The following ANKRD44 variants were observed in gnomAD, a reference collection of about 807,000 sequenced individuals.
ANKRD44 encodes serine/threonine-protein phosphatase 6 regulatory ankyrin repeat subunit B.
ANKRD44 carries 35 observed loss-of-function variants against 116.0 expected under a neutral mutation model. That is an observed-to-expected ratio of 0.30 (90% confidence interval 0.23 to 0.40). The LOEUF (loss-of-function observed/expected upper bound fraction) is 0.40, where lower values mean the gene tolerates loss of function less well. Among genes scored for constraint, ANKRD44 ranks in the 10% least tolerant of loss-of-function variants. The pLI, the probability that ANKRD44 is intolerant of heterozygous loss-of-function variation, is 1.00. For synonymous variants in ANKRD44, 435 were observed against 461.8 expected, an observed-to-expected ratio of 0.94 and a Z score of 0.74; for missense variants, 1,014 against 1,242.6, an observed-to-expected ratio of 0.82 and a Z score of 2.77.
chr2:197,146,744 C>A (rs371630470), intron 3 of ANKRD44, among the ~76,000 whole-genome samples: 61 of 151,064 alleles, frequency 4.0e-4, no homozygotes, highest in Admixed American at 2.5e-3. Context: ...ATAAAAAAAT[C>A]AAAATATATC....
intron 1 of ANKRD44, among the ~76,000 whole-genome samples, chr2:197,200,847 C>G (rs565883693): frequency 1.9e-4 from 29 of 152,200 alleles, no homozygotes; most frequent in Non-Finnish European, 3.5e-4. Context: ...ACAGTCACTA[C>G]AGTGTTGGTC....
At chr2:197,162,515 A>G (rs537674202) in intron 2 of ANKRD44, among the ~76,000 whole-genome samples, 1 of 152,348 alleles carries the variant, frequency 6.6e-6, no homozygotes, top group South Asian at 2.1e-4. Context: ...GCTTTGAAAT[A>G]CGGCACAAAA....
intron 18 of ANKRD44, among the ~76,000 whole-genome samples, chr2:197,012,464 G>T (rs2076317491): frequency 1.3e-5 from 2 of 150,696 alleles, no homozygotes; most frequent in South Asian, 4.2e-4. Context: ...GAATGGCTGG[G>T]GAGAAAAAAG....
At chr2:197,092,961 C>T (rs2078076226) in intron 10 of ANKRD44, among the ~76,000 whole-genome samples, 1 of 151,872 alleles carries the variant, frequency 6.6e-6, no homozygotes, top group African/African-American at 2.4e-5. Context: ...TAAGGCAAAA[C>T]TATGTGATTA....
At chr2:197,040,052 C>T (rs551444741) in intron 16 of ANKRD44, among the ~76,000 whole-genome samples, 18 of 151,806 alleles carry the variant, frequency 1.2e-4, no homozygotes, top group Non-Finnish European at 2.4e-4. Flanking sequence ...TATGGTGAAA[C>T]CCCATCTCTA....
chr2:197,076,608 T>A (rs2077671841), intron 16 of ANKRD44, among the ~76,000 whole-genome samples: 1 of 152,098 alleles, frequency 6.6e-6, no homozygotes, highest in African/African-American at 2.4e-5. Context: ...ACCCAGGTAC[T>A]AAGCCTTTTA....
intron 2 of ANKRD44, among the ~76,000 whole-genome samples, chr2:197,162,594 G>C (rs958160242): frequency 2.6e-5 from 4 of 152,112 alleles, no homozygotes; most frequent in African/African-American, 9.7e-5. Flanking sequence ...CACAAAACAG[G>C]GAGCCTCTAA....
intron 16 of ANKRD44, among the ~76,000 whole-genome samples, chr2:197,070,055 T>C (rs999180821): frequency 8.5e-5 from 13 of 152,200 alleles, no homozygotes; most frequent in Non-Finnish European, 1.9e-4. Context: ...TCATTCCTAG[T>C]ACACAGAAAT....
chr2:197,040,341 G>A (rs972721016), intron 16 of ANKRD44, among the ~76,000 whole-genome samples: 7 of 148,406 alleles, frequency 4.7e-5, no homozygotes, highest in African/African-American at 7.4e-5. Context: ...AAAATTACAC[G>A]TTAACTTTCA....
intron 1 of ANKRD44, among the ~76,000 whole-genome samples, chr2:197,297,925 T>G (rs978892278): frequency 3.9e-5 from 6 of 152,224 alleles, no homozygotes; most frequent in Non-Finnish European, 8.8e-5. Context: ...CTTAGTCACA[T>G]GGCTTCTAAA....
chr2:197,082,734 T>C (rs940336204), intron 14 of ANKRD44, among the ~76,000 whole-genome samples: 2 of 152,200 alleles, frequency 1.3e-5, no homozygotes, highest in Admixed American at 6.5e-5. Context: ...TCAAAAAGTA[T>C]TCCTATGAAG....
At chr2:197,246,898 C>G (rs1052432599) in intron 1 of ANKRD44, among the ~76,000 whole-genome samples, 4 of 152,130 alleles carry the variant, frequency 2.6e-5, no homozygotes, top group African/African-American at 9.7e-5. Context: ...GAATTGGAAC[C>G]CAGGTGACCC....
chr2:197,278,370 T>C (rs1449354731), intron 1 of ANKRD44, among the ~76,000 whole-genome samples: 1 of 152,072 alleles, frequency 6.6e-6, no homozygotes, highest in Admixed American at 6.5e-5. Context: ...TTTGTTTGTT[T>C]TGTTTTGACA....
At chr2:197,288,019 C>CAAAAA (rs10666895) in intron 1 of ANKRD44, among the ~76,000 whole-genome samples, 8 of 81,756 alleles carry the variant, frequency 9.8e-5, no homozygotes, top group Middle Eastern at 6.4e-3. Flanking sequence ...GACTCAGTCT[C>CAAAAA]AAAAAAAAAA....
At chr2:196,997,744 C>T (rs886278543) in intron 25 of ANKRD44, among the ~76,000 whole-genome samples, 4 of 151,488 alleles carry the variant, frequency 2.6e-5, no homozygotes, top group South Asian at 2.1e-4. Flanking sequence ...CCACTGCTCC[C>T]GGCCTAAAAT....
Position 197,078,805 on chromosome 2 carries a change from C to G in ANKRD44, c.1548G>C (p.Glu516Asp). The G allele has an allele frequency of 6.2e-7, 1 of 1,612,792 alleles. No homozygotes were observed. The highest frequency in any genetic ancestry group is 8.5e-7 in the Non-Finnish European group (1 of 1,179,152). Residue 516 changes from glutamate to aspartate, a missense_variant, in exon 16 of 28, where the codon GAG (glutamate) becomes GAC (aspartate). By Grantham distance (45) the Glu-to-Asp change is conservative (BLOSUM62 2). Coordinates refer to ENST00000282272, the MANE Select transcript of ANKRD44 (RefSeq NM_001195144.2). ...LKEKEATLCLEFLLQNDANPS... is the reference protein window; with the variant it reads ...LKEKEATLCLDFLLQNDANPS... ...GATTTGCATCATTTTGAAGCAGAAA[C>G]TCTAGACATCTGTAAGTATAAAGAT...
intron 16 of ANKRD44, among the ~76,000 whole-genome samples, chr2:197,049,133 C>T (rs902997263): frequency 6.6e-6 from 1 of 152,076 alleles, no homozygotes; most frequent in Non-Finnish European, 1.5e-5. Flanking sequence ...TGTAGGTTGC[C>T]TGTTCACTCT....
chr2:197,300,758 C>CTTTTT (rs112803787), intron 1 of ANKRD44, among the ~76,000 whole-genome samples: 8 of 122,732 alleles, frequency 6.5e-5, no homozygotes, highest in Non-Finnish European at 1.0e-4. Context: ...TTTCATTTTC[C>CTTTTT]TTTTTTTTTT....
rs200144192 is a variant in ANKRD44 at position 197,157,511 on chromosome 2, C to A, written c.112-10406G>T. ...CCAACATGGTGAAACTCCCTCTCTA[C>A]TAAAAATACAAAAAAAACTAGCCTG... On this transcript the variant is annotated intron_variant, in intron 2 of 27. Transcript: ENST00000282272. 2.6e-5 allele frequency among the ~76,000 whole-genome samples: 4 copies of A among 151,754 alleles called. No homozygotes were observed. The East Asian group carries it at 7.7e-4, about 29-fold the overall frequency.
Sources: gnomAD v4.1 joint callset for allele counts (sites outside exome capture counted in the v4.1 genomes callset) on GRCh38, gnomAD v4.1.1 for gene constraint, MANE v1.5 for transcripts, NCBI Gene and HGNC (gene_info 2026-07-23, HGNC 2026-07-21) for gene names.